The following NRXN1 variants were observed in gnomAD, a reference collection of about 807,000 sequenced individuals.
NRXN1 encodes the protein neurexin-1.
NRXN1 carries 39 observed loss-of-function variants against 150.9 expected under a neutral mutation model. The ratio of observed to expected loss-of-function variants is 0.26; its 90% CI spans 0.20 to 0.34. The LOEUF is 0.34. NRXN1 is among the 10% of genes least tolerant of loss of function. The pLI is 1.00. For synonymous variants in NRXN1, 924 were observed against 757.0 expected, an observed-to-expected ratio of 1.22 and a Z score of -3.62; for missense variants, 1,815 against 1,949.9, an observed-to-expected ratio of 0.93 and a Z score of 1.30.
chr2:50,538,429 A>C lies in NRXN1; in HGVS notation c.1967T>G (p.Ile656Ser). 1 of 1,613,970 alleles carries C rather than the reference A, an allele frequency of 6.2e-7. No individual in the cohort carries two copies. The highest frequency in any genetic ancestry group is 8.5e-7 in the Non-Finnish European group (1 of 1,179,870). ...ACTTTGAACTTCAGCCATTTGCCGG[A>C]TATCTTTGCTTTGGCCATCGATGAA... ...DLFIDGQSKD[I>S]RQMAEVQSTA... The change falls in exon 10 of 23, where the codon ATC becomes AGC. Residue 656 changes from isoleucine to serine, a missense_variant. Physicochemically the swap from Ile to Ser is moderately radical, Grantham distance 142 (BLOSUM62 -2). Around this residue, in one of 6 missense-constraint regions of NRXN1, gnomAD observed 638 missense variants for 652.6 expected, o/e 0.98. Coordinates refer to ENST00000401669, the MANE Select transcript of NRXN1 (RefSeq NM_001330078.2).
In NRXN1 at chr2:50,380,053, T is replaced by C. The variant is rs1879321; in HGVS notation, c.3364+85389A>G. ...ATATGAGAAAGATCTTTATTTAACA[T>C]GAAGTATAAAGCTTGGCTGATGAAA... On this transcript the variant is annotated intron_variant, in intron 17 of 22. Coordinates refer to ENST00000401669, the MANE Select transcript of NRXN1 (RefSeq NM_001330078.2). Among the ~76,000 whole-genome samples the C allele has an allele frequency of 1.6e-3, 244 of 152,278 alleles. 3 individuals are homozygous for C. Among genetic ancestry groups the C allele is most frequent in the African/African-American group, 5.7e-3 (238 of 41,572 alleles).
At chr2:50,964,168 GT>G (rs1693676001) in intron 2 of NRXN1, among the ~76,000 whole-genome samples, 1 of 151,530 alleles carries the variant, frequency 6.6e-6, no homozygotes, top group East Asian at 1.9e-4. Flanking sequence ...TGAGTAGAAG[GT>G]TTAGACTATG....
chr2:49,995,861 TA>T (rs60974625), intron 21 of NRXN1, among the ~76,000 whole-genome samples: 29,335 of 66,128 alleles, frequency 0.44, 2,994 homozygotes, highest in East Asian at 0.5. Context: ...TGCTGGATAG[TA>T]AAAAAAAAAA....
intron 18 of NRXN1, among the ~76,000 whole-genome samples, chr2:50,173,549 T>G (rs563024900): frequency 3.3e-5 from 5 of 152,232 alleles, no homozygotes; most frequent in Middle Eastern, 3.4e-3. Context: ...TCTGAAACAA[T>G]GACACCATGA....
rs1234779829 is a variant in NRXN1, at chr2:50,497,350, C to A, written c.2862G>T (p.Val954=). Reference sequence around the variant, plus strand: ...GTACTCACCCTTTAACTAATTCAACCACAATAAAGTCATTTCCATCCCCAC... The same window carrying A: ...GTACTCACCCTTTAACTAATTCAACAACAATAAAGTCATTTCCATCCCCAC... ...YNSGDGNDFI[V]VELVKGYLHY... is the part of the protein sequence containing the mutation. The change falls in exon 14 of 23, where the codon GTG becomes GTT. Residue 954 remains valine, a synonymous_variant. Transcript: ENST00000401669. 2 of 1,533,834 alleles carry A rather than the reference C, an allele frequency of 1.3e-6. No homozygotes were observed. Among genetic ancestry groups the A allele is most frequent in the Admixed American group, 2.0e-5 (1 of 50,364 alleles).
At chr2:50,755,925 G>T (rs559546066) in intron 5 of NRXN1, among the ~76,000 whole-genome samples, 1 of 151,732 alleles carries the variant, frequency 6.6e-6, no homozygotes, top group Non-Finnish European at 1.5e-5. Flanking sequence ...CAGTGAAATC[G>T]GGATAATGTG....
At chr2:50,696,274 T>A (rs1692848379) in intron 5 of NRXN1, 1 of 151,776 alleles carries the variant, frequency 6.6e-6, no homozygotes, top group South Asian at 2.1e-4. Context: ...CTGAAGACCA[T>A]AAAATGTTCT....
intron 17 of NRXN1, among the ~76,000 whole-genome samples, chr2:50,388,772 C>G (rs949391374): frequency 2.6e-5 from 4 of 152,090 alleles, no homozygotes; most frequent in African/African-American, 9.7e-5. Context: ...AACTATCAAT[C>G]ATTCTTTTAG....
At chr2:50,642,739 T>C (rs1684250757) in intron 5 of NRXN1, among the ~76,000 whole-genome samples, 1 of 151,944 alleles carries the variant, frequency 6.6e-6, no homozygotes, top group Admixed American at 6.6e-5. Context: ...AATGTAAAAA[T>C]ATGCAGAGTT....
Position 51,027,959 on chromosome 2 carries a change from G to C in NRXN1, c.315C>G (p.Ala105=). ...IFCAEPATLL[A]DTPVNDGAWH... ...AGGCGCCGTCGTTAACCGGCGTGTCGGCCAGGAGCGTCGCAGGCTCAGCGC... is the reference window on the plus strand; with the variant it reads ...AGGCGCCGTCGTTAACCGGCGTGTCCGCCAGGAGCGTCGCAGGCTCAGCGC... Residue 105 remains alanine (A), a synonymous_variant, in exon 2 of 23, where the codon GCC becomes GCG. Coordinates refer to ENST00000401669, the MANE Select transcript of NRXN1 (RefSeq NM_001330078.2). The C allele has an allele frequency of 1.9e-6, 3 of 1,602,524 alleles. No homozygotes were observed. Among genetic ancestry groups the C allele is most frequent in the South Asian group, 1.1e-5 (1 of 90,984 alleles).
intron 18 of NRXN1, among the ~76,000 whole-genome samples, chr2:50,218,490 C>CTTTTTTTTTTTTTTTTTTTT (rs34919769): frequency 2.2e-5 from 3 of 136,758 alleles, no homozygotes; most frequent in Non-Finnish European, 4.7e-5. Context: ...TTAGCACCTT[C>CTTTTTTTTTTTTTTTTTTTT]TTTTTTTTTT....
intron 8 of NRXN1, among the ~76,000 whole-genome samples, chr2:50,553,323 A>G (rs1220943952): frequency 6.6e-6 from 1 of 152,208 alleles, no homozygotes; most frequent in East Asian, 1.9e-4. Context: ...ATATATCTTT[A>G]ATTTCATGTC....
chr2:50,209,163 C>T (rs1246279906), intron 18 of NRXN1, among the ~76,000 whole-genome samples: 2 of 152,056 alleles, frequency 1.3e-5, no homozygotes, highest in South Asian at 4.1e-4. Flanking sequence ...CCCTGGAGTA[C>T]TCCACTTCTT....
At chr2:50,341,827 T>C (rs1234472778) in intron 17 of NRXN1, among the ~76,000 whole-genome samples, 1 of 151,880 alleles carries the variant, frequency 6.6e-6, no homozygotes, top group Non-Finnish European at 1.5e-5. Flanking sequence ...GTAGATAAAA[T>C]TTACTATTTT....
At chr2:50,513,553 G>A (rs1000895228) in intron 12 of NRXN1, among the ~76,000 whole-genome samples, 40 of 152,242 alleles carry the variant, frequency 2.6e-4, no homozygotes, top group African/African-American at 8.7e-4. Flanking sequence ...ATAACGACAT[G>A]CTTAATCTTG....
intron 5 of NRXN1, among the ~76,000 whole-genome samples, chr2:50,648,442 A>G (rs1685128865): frequency 6.6e-6 from 1 of 152,024 alleles, no homozygotes; most frequent in Non-Finnish European, 1.5e-5. Context: ...TTTCTCTACC[A>G]AATGGAATTC....
chr2:49,983,075 T>C (rs1418747585), intron 21 of NRXN1, among the ~76,000 whole-genome samples: 1 of 152,316 alleles, frequency 6.6e-6, no homozygotes, highest in East Asian at 1.9e-4. Flanking sequence ...TGCTATTCTT[T>C]CTTGCAGCCT....
chr2:50,251,040 T>C (rs1434044167), intron 17 of NRXN1, among the ~76,000 whole-genome samples: 2 of 151,416 alleles, frequency 1.3e-5, no homozygotes, highest in Admixed American at 6.6e-5. Flanking sequence ...TGTAATAAAT[T>C]TATTACATGT....
chr2:49,944,951 A>C (rs1672627238), intron 21 of NRXN1, among the ~76,000 whole-genome samples: 1 of 152,188 alleles, frequency 6.6e-6, no homozygotes, highest in Non-Finnish European at 1.5e-5. Flanking sequence ...AGTATAACTA[A>C]ATTTTTAAGA....
Sources: allele counts gnomAD v4.1 joint callset (sites outside exome capture counted in the v4.1 genomes callset), GRCh38; gene constraint gnomAD v4.1.1; regional missense constraint gnomAD v4.1.1; transcripts MANE v1.5; gene names NCBI Gene and HGNC (gene_info 2026-07-23, HGNC 2026-07-21).